Variants in CACNA2D3 observed in about 807,000 individuals in gnomAD.
CACNA2D3 encodes calcium voltage-gated channel auxiliary subunit alpha2delta 3.
Under a neutral mutation model 160.6 loss-of-function variants are expected in CACNA2D3, and 60 were observed. The ratio of observed to expected loss-of-function variants is 0.37; its 90% CI spans 0.30 to 0.46. CACNA2D3 has a LOEUF of 0.46. CACNA2D3 is among the 20% of genes least tolerant of loss of function. The pLI, the probability that CACNA2D3 is intolerant of heterozygous loss-of-function variation, is 1.00. For missense variants in CACNA2D3, 1,205 were observed against 1,365.0 expected (o/e 0.88, Z 1.85); for synonymous variants, 558 against 492.9 (o/e 1.13, Z -1.75).
chr3:54,489,993 G>A (rs1219260324), intron 4 of CACNA2D3, among the ~76,000 whole-genome samples: 1 of 152,148 alleles, frequency 6.6e-6, no homozygotes, highest in East Asian at 1.9e-4. Context: ...GAGGGGCATG[G>A]CTGAGTAGCA....
chr3:54,735,572 T>C (rs1701479495), intron 11 of CACNA2D3, among the ~76,000 whole-genome samples: 1 of 152,206 alleles, frequency 6.6e-6, no homozygotes, highest in African/African-American at 2.4e-5. Flanking sequence ...TACTTCTAAT[T>C]AATTTTCAGT....
At chr3:54,675,411 G>A (rs1700221887) in intron 11 of CACNA2D3, among the ~76,000 whole-genome samples, 1 of 152,158 alleles carries the variant, frequency 6.6e-6, no homozygotes, top group Non-Finnish European at 1.5e-5. Context: ...GTGGGGATAA[G>A]GATCTAGGTG....
chr3:54,462,945 T>C (rs1700535591), intron 4 of CACNA2D3, among the ~76,000 whole-genome samples: 1 of 150,684 alleles, frequency 6.6e-6, no homozygotes, highest in African/African-American at 2.4e-5. Context: ...AGTGCTTCCT[T>C]CAGGAGCTCT....
chr3:54,435,675 G>A (rs1020283257), intron 4 of CACNA2D3, among the ~76,000 whole-genome samples: 4 of 152,026 alleles, frequency 2.6e-5, no homozygotes, highest in African/African-American at 9.7e-5. Context: ...AAATGTCCAG[G>A]ATATAATAAA....
intron 4 of CACNA2D3, among the ~76,000 whole-genome samples, chr3:54,437,542 C>G (rs1700079156): frequency 6.6e-6 from 1 of 152,210 alleles, no homozygotes; most frequent in Non-Finnish European, 1.5e-5. Context: ...CTCTAAGAGA[C>G]TCAGATGCAT....
At chr3:54,225,764 G>A (rs7624632) in intron 2 of CACNA2D3, among the ~76,000 whole-genome samples, 8,225 of 150,142 alleles carry the variant, frequency 0.055, 703 homozygotes, top group African/African-American at 0.18. Flanking sequence ...CTGGGGTTCT[G>A]TTTCTATTAC....
intron 27 of CACNA2D3, among the ~76,000 whole-genome samples, chr3:54,936,625 GGGTT>G (rs1701336350): frequency 6.6e-6 from 1 of 152,068 alleles, no homozygotes; most frequent in Admixed American, 6.6e-5. Flanking sequence ...ATCCCATATT[GGGTT>G]ACCTACTACA....
rs572861391 is a variant in CACNA2D3, at chr3:54,989,840, A to G, written c.2690+2087A>G. Among the ~76,000 whole-genome samples, 5 of 152,274 alleles carry G rather than the reference A, an allele frequency of 3.3e-5. No homozygotes were observed. In the East Asian group the frequency reaches 9.7e-4, roughly 29 times the overall value. On this transcript the variant is annotated intron_variant, in intron 31 of 37. Coordinates refer to ENST00000474759, the MANE Select transcript of CACNA2D3 (RefSeq NM_018398.3). ...TTCATCTACATTTACACGTCTCCCT[A>G]CAGGCTTCCTATGACACCATATGAT...
chr3:55,037,252 G>C (rs1159321460), intron 35 of CACNA2D3, among the ~76,000 whole-genome samples: 1 of 152,326 alleles, frequency 6.6e-6, no homozygotes, highest in Non-Finnish European at 1.5e-5. Context: ...TGTCTGAAGT[G>C]ATGCACCACC....
Position 54,369,433 on chromosome 3 carries a change from C to T in CACNA2D3, c.322-17282C>T, listed in dbSNP as rs145275001. 6.6e-3 allele frequency among the ~76,000 whole-genome samples: 1,007 copies of T among 152,270 alleles called. 11 individuals are homozygous for T. The highest frequency in any genetic ancestry group is 0.023 in the African/African-American group (956 of 41,552). ...GTGACTGCCGGCGGGCCTGAGGAAC[C>T]GGACAAGTCAGGGCCTTGACTTCGT... On this transcript the variant is annotated intron_variant, in intron 3 of 37. Coordinates refer to ENST00000474759, the MANE Select transcript of CACNA2D3 (RefSeq NM_018398.3).
chr3:55,050,140 G>C (rs1017674705), intron 35 of CACNA2D3, among the ~76,000 whole-genome samples: 7 of 151,306 alleles, frequency 4.6e-5, no homozygotes, highest in Non-Finnish European at 8.8e-5. Context: ...ATTTGATCCT[G>C]TCATTTTGAT....
Position 54,386,694 on chromosome 3 carries a change from GTTT to G in CACNA2D3, c.322-5_322-3del, listed in dbSNP as rs62967361. ...ATTCTGATCCTTAATGCTGTCTTCT[GTTT>G]TTTTTTTTTTTTTTTAGCGTCTGGT... On this transcript the variant is annotated intron_variant, in intron 3 of 37. Coordinates refer to ENST00000474759, the MANE Select transcript of CACNA2D3 (RefSeq NM_018398.3). The G allele has an allele frequency of 2.4e-3, 3,381 of 1,389,202 alleles. No homozygotes were observed. Among genetic ancestry groups the G allele is most frequent in the South Asian group, 5.4e-3 (368 of 68,310 alleles). The allele number at this position is 1,389,202 out of a possible 1,614,324, so 86.1% of individuals were successfully genotyped here.
chr3:54,839,280 C>T (rs1219295280), intron 16 of CACNA2D3, among the ~76,000 whole-genome samples: 3 of 151,958 alleles, frequency 2.0e-5, no homozygotes, highest in Admixed American at 6.6e-5. Flanking sequence ...AAAAATAGTC[C>T]GGAGAGTTCT....
intron 3 of CACNA2D3, among the ~76,000 whole-genome samples, chr3:54,345,068 C>T (rs918010950): frequency 2.0e-5 from 3 of 152,246 alleles, no homozygotes; most frequent in Admixed American, 2.0e-4. Flanking sequence ...CATGAATAAT[C>T]CACCCCTTGT....
chr3:54,929,654 A>T (rs1009621162), intron 27 of CACNA2D3, among the ~76,000 whole-genome samples: 1 of 152,120 alleles, frequency 6.6e-6, no homozygotes, highest in Non-Finnish European at 1.5e-5. Context: ...AGCATCACAC[A>T]TACAATGGGC....
chr3:55,021,822 A>C (rs1414449135), intron 35 of CACNA2D3, among the ~76,000 whole-genome samples: 1 of 151,698 alleles, frequency 6.6e-6, no homozygotes, highest in Admixed American at 6.6e-5. Flanking sequence ...ATGTCCAAAT[A>C]TATGGGAGTT....
At chr3:54,807,821 A>T (rs1703172894) in intron 13 of CACNA2D3, among the ~76,000 whole-genome samples, 1 of 151,314 alleles carries the variant, frequency 6.6e-6, no homozygotes, top group Non-Finnish European at 1.5e-5. Context: ...TCCAACAATG[A>T]TAGACTGGAT....
intron 17 of CACNA2D3, among the ~76,000 whole-genome samples, chr3:54,865,016 A>C (rs1015431100): frequency 6.6e-6 from 1 of 152,234 alleles, no homozygotes; most frequent in Non-Finnish European, 1.5e-5. Context: ...ATTCACCTTC[A>C]TGACGAATGA....
At chr3:54,799,425 C>T (rs1702935982) in intron 13 of CACNA2D3, among the ~76,000 whole-genome samples, 1 of 152,114 alleles carries the variant, frequency 6.6e-6, no homozygotes, top group African/African-American at 2.4e-5. Flanking sequence ...TTCCAATGAA[C>T]AAAGTGTATG....
Sources: allele counts gnomAD v4.1 joint callset (sites outside exome capture counted in the v4.1 genomes callset), GRCh38; gene constraint gnomAD v4.1.1; transcripts MANE v1.5; gene names NCBI Gene and HGNC (gene_info 2026-07-23, HGNC 2026-07-21).